SLC12A8: variants seen among roughly 807,000 people sequenced by gnomAD.
SLC12A8 encodes solute carrier family 12 member 8, also known as cation-chloride cotransporter 9.
In SLC12A8, 69 loss-of-function variants were observed where a neutral mutation model predicts 75.6. The observed-to-expected ratio is 0.91, with a 90% CI of 0.75 to 1.11. The LOEUF is 1.11. SLC12A8 is among the 50% of genes most tolerant of loss of function. The pLI is 0.00. For synonymous variants in SLC12A8, 365 were observed against 372.8 expected, an observed-to-expected ratio of 0.98 and a Z score of 0.24; for missense variants, 877 against 896.7, an observed-to-expected ratio of 0.98 and a Z score of 0.28.
intron 5 of SLC12A8, among the ~76,000 whole-genome samples, chr3:125,173,813 G>C (rs191239547): frequency 6.6e-6 from 1 of 152,196 alleles, no homozygotes; most frequent in Non-Finnish European, 1.5e-5. Flanking sequence ...AACAGTGGCC[G>C]GGCGCAGTGG....
chr3:125,204,719 G>A (rs1043169074), intron 2 of SLC12A8, among the ~76,000 whole-genome samples: 2 of 152,130 alleles, frequency 1.3e-5, no homozygotes, highest in African/African-American at 4.8e-5. Flanking sequence ...ATAGCTAGAG[G>A]AGAAGATTTG....
intron 2 of SLC12A8, among the ~76,000 whole-genome samples, chr3:125,208,777 C>G (rs1006375165): frequency 2.4e-5 from 3 of 124,324 alleles, no homozygotes; most frequent in Non-Finnish European, 5.3e-5. Flanking sequence ...CACACACACA[C>G]ACACACACAC....
chr3:125,109,401 G>A (rs564779660), intron 9 of SLC12A8, among the ~76,000 whole-genome samples: 2 of 152,270 alleles, frequency 1.3e-5, no homozygotes, highest in South Asian at 4.1e-4. Flanking sequence ...GATCTCAAAC[G>A]GACTATGTCC....
At chr3:125,134,082 T>G (rs1006650841) in intron 6 of SLC12A8, among the ~76,000 whole-genome samples, 9 of 152,120 alleles carry the variant, frequency 5.9e-5, no homozygotes, top group African/African-American at 1.7e-4. Context: ...GATTCACCTA[T>G]ATTGTTGTGT....
At chr3:125,134,330 G>C (rs672447) in intron 6 of SLC12A8, among the ~76,000 whole-genome samples, 1 of 150,732 alleles carries the variant, frequency 6.6e-6, no homozygotes, top group African/African-American at 2.4e-5. Context: ...GGCTGTTCTT[G>C]AACTCCTGAC....
intron 10 of SLC12A8, among the ~76,000 whole-genome samples, chr3:125,092,882 T>C (rs1232259088): frequency 6.6e-6 from 1 of 152,182 alleles, no homozygotes; most frequent in Non-Finnish European, 1.5e-5. Flanking sequence ...TTAAAAATAA[T>C]AATAATTTTT....
chr3:125,084,173 C>T (rs1328642682), intron 13 of SLC12A8, 121 bp from the exon 14 acceptor site: 1 of 791,234 alleles, frequency 1.3e-6, no homozygotes, highest in Non-Finnish European at 2.0e-6. Flanking sequence ...ATGTTTAAAA[C>T]ATAATTCTTG....
chr3:125,163,118 A>G (rs1379017163), intron 5 of SLC12A8, among the ~76,000 whole-genome samples: 1 of 152,008 alleles, frequency 6.6e-6, no homozygotes. Context: ...AGTCTGGGCA[A>G]CATGATGAAA....
rs193119303 is a variant in SLC12A8 at position 125,137,948 on chromosome 3, C to T, written c.623-2166G>A. ...GCTCACACGCTCACGCTCACACTCACGCTCACACTCACACGCTCACACTCA... is the reference window on the plus strand; with the variant it reads ...GCTCACACGCTCACGCTCACACTCATGCTCACACTCACACGCTCACACTCA... On this transcript the variant is annotated intron_variant, in intron 5 of 13. Transcript: ENST00000469902. Among the ~76,000 whole-genome samples, 74 of 152,136 alleles carry T rather than the reference C, an allele frequency of 4.9e-4. No individual in the cohort carries two copies. In the East Asian group the frequency reaches 0.013, roughly 26 times the overall value.
intron 7 of SLC12A8, 86 bp downstream of exon 7, chr3:125,120,513 T>C: frequency 1.0e-6 from 1 of 968,422 alleles, no homozygotes; most frequent in South Asian, 1.4e-5. Flanking sequence ...CGGGGCACTC[T>C]CAGAACAAAA....
chr3:125,115,485 TGCACTCCAGCTTGGGCAACAA>T, intron 8 of SLC12A8, among the ~76,000 whole-genome samples: 1 of 151,688 alleles, frequency 6.6e-6, no homozygotes, highest in South Asian at 2.1e-4. Flanking sequence ...ATCATGCCAT[TGCACTCCAGCTTGGGCAACAA>T]GAGCAAAACT....
At chr3:125,119,025 C>G in intron 7 of SLC12A8, 169 bp from the exon 8 acceptor site, 1 of 519,154 alleles carries the variant, frequency 1.9e-6, no homozygotes, top group Non-Finnish European at 3.5e-6. Context: ...TGTACTATTT[C>G]TCTTCTGGCA....
chr3:125,211,335 G>A lies in SLC12A8; in HGVS notation c.15C>T (p.Ser5=). Residue 5 remains serine (S), a synonymous_variant, in exon 2 of 14, where the codon TCC becomes TCT. Coordinates refer to ENST00000469902, the MANE Select transcript of SLC12A8 (RefSeq NM_024628.6). ...CCTCATGGAAGAGCTCCTGCACCTG[G>A]GACATCTGGGTCATTCTCCAGCAAG... The part of the protein sequence containing the change: MTQM[S]QVQELFHEAA... 6.2e-7 allele frequency: 1 copy of A among 1,613,752 alleles called. No homozygotes were observed. Among genetic ancestry groups the A allele is most frequent in the South Asian group, 1.1e-5 (1 of 91,074 alleles).
In SLC12A8 at chr3:125,202,630, GTTTTTTTTT is replaced by G. The variant is rs543411392; in HGVS notation, c.51+8660_51+8668del. On this transcript the variant is annotated intron_variant, in intron 2 of 13. Coordinates refer to ENST00000469902, the MANE Select transcript of SLC12A8 (RefSeq NM_024628.6). ...TAGCTAGGCGGAATGTATTAACCAT[GTTTTTTTTT>G]TTTTTTTTTTTAAATCTGTATCTAA... Among the ~76,000 whole-genome samples, 84 of 147,664 alleles carry G rather than the reference GTTTTTTTTT, an allele frequency of 5.7e-4. 2 individuals carry two copies. In the East Asian group the frequency reaches 0.013, roughly 23 times the overall value.
chr3:125,128,080 G>A (rs1190618438), intron 6 of SLC12A8, among the ~76,000 whole-genome samples: 1 of 151,954 alleles, frequency 6.6e-6, no homozygotes. Context: ...CACCATGTTG[G>A]CCAGGATGGT....
At chr3:125,126,762 C>A (rs1403037749) in intron 6 of SLC12A8, among the ~76,000 whole-genome samples, 1 of 152,258 alleles carries the variant, frequency 6.6e-6, no homozygotes, top group Non-Finnish European at 1.5e-5. Flanking sequence ...AGAAACTCTT[C>A]AACTTTTTCT....
Position 125,138,730 on chromosome 3 carries a change from G to A in SLC12A8, c.623-2948C>T, listed in dbSNP as rs115971284. Among the ~76,000 whole-genome samples, 573 of 152,134 alleles carry A rather than the reference G, an allele frequency of 3.8e-3. 8 individuals carry two copies. Among genetic ancestry groups the A allele is most frequent in the African/African-American group, 0.013 (544 of 41,518 alleles). ...ACATCCACATTTAAGTTAAAGGGCT[G>A]AGTGCAGTGGCTCATGTCTGCAATC... On this transcript the variant is annotated intron_variant, in intron 5 of 13. Coordinates refer to ENST00000469902, the MANE Select transcript of SLC12A8 (RefSeq NM_024628.6).
chr3:125,198,012 T>C (rs62268560), intron 2 of SLC12A8, among the ~76,000 whole-genome samples: 16,244 of 152,138 alleles, frequency 0.11, 895 homozygotes, highest in African/African-American at 0.14. Flanking sequence ...CTTAAATAAA[T>C]AGCCAAAGTT....
At chr3:125,088,284 G>T in intron 13 of SLC12A8, 26 bp downstream of exon 13, 1 of 1,611,968 alleles carries the variant, frequency 6.2e-7, no homozygotes, top group Non-Finnish European at 8.5e-7. Context: ...CATCCATTCT[G>T]GTACTGGCTC....
Sources: gnomAD v4.1 joint callset for allele counts (sites outside exome capture counted in the v4.1 genomes callset) on GRCh38, gnomAD v4.1.1 for gene constraint, MANE v1.5 for transcripts, NCBI Gene and HGNC (gene_info 2026-07-23, HGNC 2026-07-21) for gene names.